The following OR1J2 variants were observed in gnomAD, a reference collection of about 807,000 sequenced individuals.
OR1J2 encodes the protein olfactory receptor 1J2.
For synonymous variants in OR1J2, 142 were observed against 99.7 expected, an observed-to-expected ratio of 1.42 and a Z score of -2.52; for missense variants, 304 against 246.1, an observed-to-expected ratio of 1.24 and a Z score of -1.57.
chr9:122,475,816 G>A, the OR1J2 span: 1 of 152,126 alleles, frequency 6.6e-6, no homozygotes, highest in Non-Finnish European at 1.5e-5. Context: ...TAAGATTCAG[G>A]TAAAGAAACG....
the OR1J2 span, among the ~76,000 whole-genome samples, chr9:122,503,824 T>C: frequency 2.6e-5 from 4 of 152,210 alleles, no homozygotes; most frequent in African/African-American, 9.6e-5. Context: ...TACTGCACAA[T>C]AACTTTTTGA....
chr9:122,467,986 C>T, the OR1J2 span, among the ~76,000 whole-genome samples: 1 of 152,196 alleles, frequency 6.6e-6, no homozygotes, highest in African/African-American at 2.4e-5. Flanking sequence ...CAACAGTTCA[C>T]CTGGACATTA....
chr9:122,464,230 G>A, the OR1J2 span, among the ~76,000 whole-genome samples: 2,585 of 152,292 alleles, frequency 0.017, 32 homozygotes, highest in East Asian at 0.071. Flanking sequence ...GGGAAAGCCG[G>A]CAGTCACAGG....
the OR1J2 span, among the ~76,000 whole-genome samples, chr9:122,473,132 A>T: frequency 6.6e-6 from 1 of 152,164 alleles, no homozygotes; most frequent in Non-Finnish European, 1.5e-5. Flanking sequence ...ACAGGGGAAA[A>T]CTTACTGATT....
the OR1J2 span, among the ~76,000 whole-genome samples, chr9:122,529,338 C>G: frequency 1.3e-5 from 2 of 152,198 alleles, no homozygotes; most frequent in Non-Finnish European, 2.9e-5. Flanking sequence ...GCATGCAGAC[C>G]CTGCCTTCAG....
At chr9:122,454,753 G>A in the OR1J2 span, among the ~76,000 whole-genome samples, 2 of 152,172 alleles carry the variant, frequency 1.3e-5, no homozygotes, top group South Asian at 4.1e-4. Context: ...TCTCACAGGG[G>A]AGGGACGCAT....
At chr9:122,568,707 G>C in the OR1J2 span, 1 of 413,404 alleles carries the variant, frequency 2.4e-6, no homozygotes, top group Non-Finnish European at 4.2e-6. Flanking sequence ...GACAGAGGGA[G>C]AGTTTTCCTT....
chr9:122,451,830 C>T, the OR1J2 span, among the ~76,000 whole-genome samples: 1 of 152,186 alleles, frequency 6.6e-6, no homozygotes, highest in South Asian at 2.1e-4. Context: ...TCAGTAAAGT[C>T]CAGGTTCCCT....
At chr9:122,526,709 C>A in the OR1J2 span, 4 of 1,614,166 alleles carry the variant, frequency 2.5e-6, no homozygotes, top group Non-Finnish European at 3.4e-6. Flanking sequence ...CAAAAACCAT[C>A]ATCTCGTTGA....
rs1828630381 is a variant in OR1J2, at chr9:122,511,281, C to G, written c.480C>G (p.Thr160=). Residue 160 remains threonine, a synonymous_variant, in exon 1 of 1, where the codon ACC becomes ACG. Coordinates refer to ENST00000335302, the MANE Select transcript of OR1J2 (RefSeq NM_054107.1). Reference sequence around the variant, plus strand: ...CTTGTGCCAGCTCCCTCTCTCACACCCTTCTCCTGACCCGGCTGTCTTTCT... The same window carrying G: ...CTTGTGCCAGCTCCCTCTCTCACACGCTTCTCCTGACCCGGCTGTCTTTCT... ...ILSCASSLSH[T]LLLTRLSFCA... 2.7e-6 allele frequency: 2 copies of G among 745,330 alleles called. No individual in the cohort carries two copies. Among genetic ancestry groups the G allele is most frequent in the South Asian group, 3.0e-5 (2 of 67,228 alleles). 46.2% of individuals were successfully genotyped at this position (745,330 alleles called of 1,614,324 possible).
upstream of OR1J2, among the ~76,000 whole-genome samples, chr9:122,505,828 GTTTGT>G (rs900469561): frequency 3.3e-5 from 5 of 151,470 alleles, no homozygotes; most frequent in African/African-American, 1.2e-4. Context: ...CTATTTGCAA[GTTTGT>G]TTTCTTTTGT....
chr9:122,567,641 T>C, the OR1J2 span: 2 of 1,614,046 alleles, frequency 1.2e-6, no homozygotes, highest in Non-Finnish European at 1.7e-6. Context: ...ATGACAAAAC[T>C]GTGTAAACAA....
chr9:122,568,826 C>T, the OR1J2 span: 2 of 190,084 alleles, frequency 1.1e-5, no homozygotes, highest in Admixed American at 1.1e-4. Context: ...CAGATTTCTG[C>T]TTATGTGGAG....
the OR1J2 span, among the ~76,000 whole-genome samples, chr9:122,566,633 CA>C: frequency 1.3e-5 from 2 of 152,108 alleles, no homozygotes; most frequent in Non-Finnish European, 2.9e-5. Flanking sequence ...AGGTTGTTGC[CA>C]TTTTTACCTA....
the OR1J2 span, among the ~76,000 whole-genome samples, chr9:122,456,977 C>T: frequency 6.6e-6 from 1 of 152,128 alleles, no homozygotes; most frequent in South Asian, 2.1e-4. Context: ...AACCCAAATG[C>T]TCATCAGTGA....
the OR1J2 span, among the ~76,000 whole-genome samples, chr9:122,501,433 G>T: frequency 3.9e-5 from 6 of 152,202 alleles, no homozygotes; most frequent in African/African-American, 1.4e-4. Context: ...GAGAATCAAG[G>T]CACAAAACCT....
chr9:122,567,465 G>T, the OR1J2 span: 6 of 1,055,088 alleles, frequency 5.7e-6, no homozygotes, highest in Non-Finnish European at 6.9e-6. Flanking sequence ...GCTTCCAACA[G>T]CTTTGACTGT....
the OR1J2 span, among the ~76,000 whole-genome samples, chr9:122,573,658 T>C: frequency 6.6e-6 from 1 of 152,214 alleles, no homozygotes; most frequent in Admixed American, 6.5e-5. Context: ...TTATCAGATA[T>C]GTTTTGTGCA....
the OR1J2 span, among the ~76,000 whole-genome samples, chr9:122,460,496 C>T: frequency 2.0e-5 from 3 of 152,196 alleles, no homozygotes; most frequent in South Asian, 6.2e-4. Context: ...CAGTACCATA[C>T]TGTTTTGGTG....
Sources: gnomAD v4.1 joint callset for allele counts (sites outside exome capture counted in the v4.1 genomes callset) on GRCh38, gnomAD v4.1.1 for gene constraint, MANE v1.5 for transcripts, NCBI Gene and HGNC (gene_info 2026-07-23, HGNC 2026-07-21) for gene names.